The following CCDC91 variants were observed in gnomAD, a reference collection of about 807,000 sequenced individuals.
CCDC91 encodes coiled-coil domain-containing protein 91.
A neutral mutation model predicts 63.2 loss-of-function variants in CCDC91; 48 were observed. The observed-to-expected ratio is 0.76, with a 90% CI of 0.60 to 0.97. The LOEUF (loss-of-function observed/expected upper bound fraction) is 0.97. CCDC91 is among the 50% of genes least tolerant of loss of function. CCDC91 has a pLI of 0.00. For missense variants in CCDC91, 500 were observed against 494.6 expected (o/e 1.01, Z -0.10); for synonymous variants, 167 against 165.8 (o/e 1.01, Z -0.06).
chr12:28,413,993 A>G (rs1190924179), intron 8 of CCDC91, among the ~76,000 whole-genome samples: 4 of 152,212 alleles, frequency 2.6e-5, no homozygotes, highest in Admixed American at 6.5e-5. Flanking sequence ...ATGTTTGTCA[A>G]TGGCAGAACC....
chr12:28,381,989 T>G (rs909027585), intron 7 of CCDC91, among the ~76,000 whole-genome samples: 1 of 152,060 alleles, frequency 6.6e-6, no homozygotes, highest in Non-Finnish European at 1.5e-5. Flanking sequence ...TTAAATATTT[T>G]TATTCACCCT....
intron 6 of CCDC91, among the ~76,000 whole-genome samples, chr12:28,330,895 A>G (rs945232451): frequency 1.3e-5 from 2 of 152,212 alleles, no homozygotes; most frequent in African/African-American, 4.8e-5. Context: ...TGCCCTTTAA[A>G]AAACAAACCA....
chr12:28,231,520 A>G (rs1308610890), intron 1 of CCDC91, among the ~76,000 whole-genome samples: 4 of 152,164 alleles, frequency 2.6e-5, no homozygotes, highest in Non-Finnish European at 5.9e-5. Flanking sequence ...TTGATTTCCT[A>G]AAAGTCTAGT....
intron 12 of CCDC91, among the ~76,000 whole-genome samples, chr12:28,510,236 C>CGTGT: frequency 7.4e-6 from 1 of 136,014 alleles, no homozygotes; most frequent in Non-Finnish European, 1.5e-5. Flanking sequence ...GTCAATAGGG[C>CGTGT]ATGTGTGTGT....
chr12:28,505,212 A>G (rs1938547843), intron 12 of CCDC91, among the ~76,000 whole-genome samples: 1 of 151,940 alleles, frequency 6.6e-6, no homozygotes, highest in African/African-American at 2.4e-5. Context: ...GGGAAAACTA[A>G]TGGAACGCTG....
At chr12:28,274,206 G>A (rs1432111136) in intron 3 of CCDC91, among the ~76,000 whole-genome samples, 2 of 152,152 alleles carry the variant, frequency 1.3e-5, no homozygotes, top group Non-Finnish European at 2.9e-5. Context: ...CTGTGTCTCT[G>A]TTTTGGTACC....
At chr12:28,241,279 C>T (rs1945318308) in intron 1 of CCDC91, among the ~76,000 whole-genome samples, 1 of 152,094 alleles carries the variant, frequency 6.6e-6, no homozygotes, top group Non-Finnish European at 1.5e-5. Context: ...CAGAATAAAC[C>T]ATATCCTTGG....
chr12:28,526,340 CTG>C (rs1354314105), intron 12 of CCDC91, among the ~76,000 whole-genome samples: 1 of 152,042 alleles, frequency 6.6e-6, no homozygotes, highest in Admixed American at 6.6e-5. Context: ...CTGAAAAAGA[CTG>C]TATCTTTCCT....
At chr12:28,372,050 A>G (rs1565874396) in intron 7 of CCDC91, among the ~76,000 whole-genome samples, 3 of 152,092 alleles carry the variant, frequency 2.0e-5, no homozygotes, top group South Asian at 4.1e-4. Context: ...TTATTCTTCT[A>G]TATGTGGATA....
At chr12:28,503,609 C>T (rs1274584474) in intron 12 of CCDC91, among the ~76,000 whole-genome samples, 2 of 152,178 alleles carry the variant, frequency 1.3e-5, no homozygotes, top group African/African-American at 4.8e-5. Flanking sequence ...GACTACAAAT[C>T]ATACTGCTAT....
chr12:28,369,544 C>T (rs1291269198), intron 7 of CCDC91, among the ~76,000 whole-genome samples: 3 of 152,148 alleles, frequency 2.0e-5, no homozygotes, highest in Non-Finnish European at 4.4e-5. Flanking sequence ...GAGGATATAC[C>T]ATTCTGGGGT....
At chr12:28,372,848 TAGGACTTCC>T (rs1270623378) in intron 7 of CCDC91, among the ~76,000 whole-genome samples, 1 of 152,172 alleles carries the variant, frequency 6.6e-6, no homozygotes, top group East Asian at 1.9e-4. Flanking sequence ...TTGCTCTTGG[TAGGACTTCC>T]AGTACTGTGT....
chr12:28,386,180 A>G (rs1376572844), intron 7 of CCDC91, among the ~76,000 whole-genome samples: 2 of 152,086 alleles, frequency 1.3e-5, no homozygotes, highest in Non-Finnish European at 2.9e-5. Flanking sequence ...AGCTTAGTGA[A>G]CTTTTCAATA....
chr12:28,486,949 A>G (rs192395636), intron 12 of CCDC91, among the ~76,000 whole-genome samples: 13 of 152,160 alleles, frequency 8.5e-5, no homozygotes, highest in Admixed American at 7.9e-4. Context: ...AATAGCAGCT[A>G]CAGTAAGGAC....
chr12:28,513,514 G>C (rs1035136087), intron 12 of CCDC91, among the ~76,000 whole-genome samples: 2 of 151,794 alleles, frequency 1.3e-5, no homozygotes, highest in African/African-American at 4.8e-5. Flanking sequence ...GGGATCCTCA[G>C]CTGGTAGTTA....
chr12:28,254,788 T>C (rs1271574176), intron 1 of CCDC91, among the ~76,000 whole-genome samples: 1 of 151,340 alleles, frequency 6.6e-6, no homozygotes, highest in Non-Finnish European at 1.5e-5. Context: ...TTTTTTTTTT[T>C]TTGATGGAGT....
rs1376962251 is a variant in CCDC91 at position 28,458,657 on chromosome 12, A to G, written c.1101+6003A>G. 2.6e-5 allele frequency among the ~76,000 whole-genome samples: 4 copies of G among 151,602 alleles called. No individual in the cohort carries two copies. The East Asian group carries it at 7.7e-4, about 29-fold the overall frequency. On this transcript the variant is annotated intron_variant, in intron 11 of 12. Transcript: ENST00000536442. ...GCTAATTTTTGTATTTTTAGTAGAG[A>G]TGGGGTTTCACCATATTGGCCAGAC...
At chr12:28,491,123 C>A (rs1041662209) in intron 12 of CCDC91, among the ~76,000 whole-genome samples, 1 of 150,560 alleles carries the variant, frequency 6.6e-6, no homozygotes, top group Non-Finnish European at 1.5e-5. Context: ...GGATTCTAAT[C>A]GAAGTACAGT....
At chr12:28,377,171 G>C (rs934202923) in intron 7 of CCDC91, among the ~76,000 whole-genome samples, 1 of 150,952 alleles carries the variant, frequency 6.6e-6, no homozygotes, top group African/African-American at 2.4e-5. Flanking sequence ...AGTTAGAAAA[G>C]GGGCTTTCCC....
Sources: allele counts gnomAD v4.1 joint callset (sites outside exome capture counted in the v4.1 genomes callset), GRCh38; gene constraint gnomAD v4.1.1; transcripts MANE v1.5; gene names NCBI Gene and HGNC (gene_info 2026-07-23, HGNC 2026-07-21).